Variants in ATRNL1 observed in about 807,000 individuals in gnomAD.
ATRNL1 encodes attractin-like protein 1.
ATRNL1 carries 95 observed loss-of-function variants against 182.7 expected under a neutral mutation model. The ratio of observed to expected loss-of-function variants is 0.52; its 90% CI spans 0.44 to 0.62. The LOEUF is 0.62. Ranked by LOEUF, ATRNL1 falls within the 20% of genes least tolerant of loss-of-function variation. The pLI, the probability that ATRNL1 is intolerant of heterozygous loss-of-function variation, is 0.00. For synonymous variants in ATRNL1, 576 were observed against 568.3 expected (o/e 1.01, Z -0.19); for missense variants, 1,471 against 1,679.5 (o/e 0.88, Z 2.17).
intron 26 of ATRNL1, among the ~76,000 whole-genome samples, chr10:115,724,639 G>A (rs1947538471): frequency 6.6e-6 from 1 of 152,092 alleles, no homozygotes; most frequent in East Asian, 1.9e-4. Context: ...CAACAGCTGG[G>A]ATTTAAAACA....
intron 27 of ATRNL1, among the ~76,000 whole-genome samples, chr10:115,780,930 G>A (rs1417935949): frequency 2.0e-5 from 3 of 152,144 alleles, no homozygotes; most frequent in Non-Finnish European, 4.4e-5. Flanking sequence ...CTTCAGCAAA[G>A]TGGAGGGAGA....
chr10:115,288,305 A>G (rs1306802434), intron 15 of ATRNL1, among the ~76,000 whole-genome samples: 2 of 152,078 alleles, frequency 1.3e-5, no homozygotes, highest in Non-Finnish European at 2.9e-5. Flanking sequence ...GAACTTCTAT[A>G]TTGTTCTCCA....
At chr10:115,308,724 T>C (rs77201934) in intron 17 of ATRNL1, among the ~76,000 whole-genome samples, 1,775 of 152,202 alleles carry the variant, frequency 0.012, 34 homozygotes, top group African/African-American at 0.039. Flanking sequence ...AGGTTTCTCA[T>C]ATATTATCTA....
intron 19 of ATRNL1, among the ~76,000 whole-genome samples, chr10:115,387,516 G>A (rs1858432225): frequency 1.3e-5 from 2 of 152,160 alleles, no homozygotes; most frequent in South Asian, 4.1e-4. Flanking sequence ...GTGGCATTTA[G>A]GACATTCACA....
intron 28 of ATRNL1, among the ~76,000 whole-genome samples, chr10:115,937,788 G>A (rs895072738): frequency 6.6e-6 from 1 of 152,142 alleles, no homozygotes; most frequent in Non-Finnish European, 1.5e-5. Flanking sequence ...AGCCATTAAA[G>A]GTTTAAAAGA....
chr10:115,531,904 G>A (rs1554988379), intron 25 of ATRNL1, among the ~76,000 whole-genome samples: 1 of 145,494 alleles, frequency 6.9e-6, no homozygotes, highest in East Asian at 2.0e-4. Context: ...CCCATTGCTT[G>A]TTTTTCTCAG....
At chr10:115,345,454 C>G (rs1275108321) in intron 19 of ATRNL1, among the ~76,000 whole-genome samples, 2 of 152,128 alleles carry the variant, frequency 1.3e-5, no homozygotes, top group African/African-American at 4.8e-5. Flanking sequence ...CTTTCCTCCC[C>G]GTATACTGCC....
At chr10:115,241,789 A>C in intron 10 of ATRNL1, 64 bp downstream of exon 10, 91 of 1,359,770 alleles carry the variant, frequency 6.7e-5, no homozygotes, top group Non-Finnish European at 8.4e-5. Flanking sequence ...AGATATTCTC[A>C]AATACATTAA....
chr10:115,196,103 G>A (rs910945670), intron 8 of ATRNL1, among the ~76,000 whole-genome samples: 14 of 152,062 alleles, frequency 9.2e-5, no homozygotes, highest in Admixed American at 9.2e-4. Context: ...CAAGGCTACA[G>A]TGAACTATGA....
intron 26 of ATRNL1, among the ~76,000 whole-genome samples, chr10:115,599,484 A>C (rs1307174549): frequency 6.6e-6 from 1 of 151,882 alleles, no homozygotes; most frequent in Non-Finnish European, 1.5e-5. Context: ...AAAATTAATA[A>C]TTTTACTGAT....
At chr10:115,603,364 GA>G (rs1856712793) in intron 26 of ATRNL1, among the ~76,000 whole-genome samples, 1 of 152,042 alleles carries the variant, frequency 6.6e-6, no homozygotes, top group South Asian at 2.1e-4. Context: ...TTTACATTAA[GA>G]GACTCCTGTC....
intron 26 of ATRNL1, among the ~76,000 whole-genome samples, chr10:115,622,850 C>A (rs1311718395): frequency 6.6e-6 from 1 of 151,924 alleles, no homozygotes; most frequent in Non-Finnish European, 1.5e-5. Context: ...TGGTATGAAC[C>A]CGGGAGGCGG....
chr10:115,852,800 T>C (rs1555100868), intron 28 of ATRNL1, among the ~76,000 whole-genome samples: 1 of 152,208 alleles, frequency 6.6e-6, no homozygotes, highest in African/African-American at 2.4e-5. Flanking sequence ...GTAAGGACAA[T>C]TTTATCTTTG....
At chr10:115,438,960 C>G (rs1377822516) in intron 21 of ATRNL1, among the ~76,000 whole-genome samples, 1 of 151,866 alleles carries the variant, frequency 6.6e-6, no homozygotes, top group Non-Finnish European at 1.5e-5. Context: ...AACTTAACTA[C>G]TAATAGGATA....
At chr10:115,109,556 T>C (rs80235137) in intron 1 of ATRNL1, among the ~76,000 whole-genome samples, 6,563 of 152,214 alleles carry the variant, frequency 0.043, 486 homozygotes, top group African/African-American at 0.15. Context: ...GGCCTAATCA[T>C]CTCTCATTAG....
At chr10:115,693,685 C>G (rs1946463718) in intron 26 of ATRNL1, among the ~76,000 whole-genome samples, 1 of 152,036 alleles carries the variant, frequency 6.6e-6, no homozygotes, top group African/African-American at 2.4e-5. Flanking sequence ...GGGCTACAAA[C>G]CTGTGTTGTA....
intron 26 of ATRNL1, among the ~76,000 whole-genome samples, chr10:115,619,001 T>A (rs543835738): frequency 1.3e-5 from 2 of 152,340 alleles, no homozygotes; most frequent in East Asian, 3.9e-4. Flanking sequence ...GATGTATTTA[T>A]AGTGTCAGTT....
At chr10:115,209,922 A>G (rs1182389258) in intron 8 of ATRNL1, among the ~76,000 whole-genome samples, 2 of 152,046 alleles carry the variant, frequency 1.3e-5, no homozygotes, top group African/African-American at 4.8e-5. Context: ...TGAAACTACT[A>G]TACCACTTAT....
At chr10:115,587,873 C>G (rs11197318) in intron 26 of ATRNL1, among the ~76,000 whole-genome samples, 28,154 of 151,714 alleles carry the variant, frequency 0.19, 2,813 homozygotes, top group South Asian at 0.24. Context: ...TCTTCCAAAC[C>G]AGTAGAGAAA....
Sources: gnomAD v4.1 joint callset for allele counts (sites outside exome capture counted in the v4.1 genomes callset) on GRCh38, gnomAD v4.1.1 for gene constraint, MANE v1.5 for transcripts, NCBI Gene and HGNC (gene_info 2026-07-23, HGNC 2026-07-21) for gene names.